Variants in CACNA2D1 observed in about 807,000 individuals in gnomAD.
CACNA2D1 encodes the protein voltage-dependent calcium channel subunit alpha-2/delta-1.
CACNA2D1 carries 53 observed loss-of-function variants against 171.5 expected under a neutral mutation model. That is an observed-to-expected ratio of 0.31 (90% confidence interval 0.25 to 0.39). CACNA2D1 has a LOEUF of 0.39. CACNA2D1 is among the 10% of genes least tolerant of loss of function. The pLI is 1.00. For synonymous variants in CACNA2D1, 442 were observed against 443.1 expected (o/e 1.00, Z 0.03); for missense variants, 903 against 1,299.8 (o/e 0.69, Z 4.69).
chr7:81,952,191 T>C (rs1472531586), intron 38 of CACNA2D1, among the ~76,000 whole-genome samples: 1 of 151,892 alleles, frequency 6.6e-6, no homozygotes, highest in African/African-American at 2.4e-5. Context: ...TGAAAGACCA[T>C]ATATTTAAAC....
chr7:82,088,507 CAA>C (rs773545123), intron 6 of CACNA2D1, among the ~76,000 whole-genome samples: 39 of 152,160 alleles, frequency 2.6e-4, no homozygotes, highest in Non-Finnish European at 4.6e-4. Context: ...TTGTATATCA[CAA>C]AGACTTTAAA....
intron 24 of CACNA2D1, among the ~76,000 whole-genome samples, chr7:81,979,578 T>C (rs1796236684): frequency 6.6e-6 from 1 of 152,146 alleles, no homozygotes; most frequent in South Asian, 2.1e-4. Flanking sequence ...CTTGCCAACA[T>C]AGCAGGCCTA....
At chr7:82,185,635 A>C (rs1309317489) in intron 3 of CACNA2D1, among the ~76,000 whole-genome samples, 1 of 127,182 alleles carries the variant, frequency 7.9e-6, no homozygotes. Context: ...ACTAACTGTT[A>C]GTTCTTCTGG....
intron 3 of CACNA2D1, among the ~76,000 whole-genome samples, chr7:82,231,536 T>C (rs1563232675): frequency 2.0e-5 from 3 of 152,134 alleles, no homozygotes; most frequent in South Asian, 2.1e-4. Context: ...CATAGCACCA[T>C]GGTAAGCTAC....
chr7:81,950,447 C>T lies in CACNA2D1; in HGVS notation c.3221G>A (p.Gly1074Glu). Residue 1074 changes from glycine (G) to glutamate (E), a missense_variant, in exon 39 of 39, where the codon GGA becomes GAA. Gly to Glu is a moderately conservative substitution (Grantham distance 98, BLOSUM62 -2). Transcript: ENST00000356860. ...CAGCCAAAGTAGTAGAAACTGGATTCCAATGATATACCACAGGGAGGGATT... is the reference window on the plus strand; with the variant it reads ...CAGCCAAAGTAGTAGAAACTGGATTTCAATGATATACCACAGGGAGGGATT... ...GLNPSLWYIIGIQFLLLWLVS... is the reference protein window; with the variant it reads ...GLNPSLWYIIEIQFLLLWLVS... 6.2e-7 allele frequency: 1 copy of T among 1,613,008 alleles called. No homozygotes were observed. The highest frequency in any genetic ancestry group is 1.7e-5 in the Admixed American group (1 of 59,806).
At chr7:82,356,347 C>G (rs1820422634) in intron 1 of CACNA2D1, among the ~76,000 whole-genome samples, 1 of 152,118 alleles carries the variant, frequency 6.6e-6, no homozygotes. Context: ...TGCCTTTGCT[C>G]TGTATATAAC....
chr7:82,099,422 C>CTTTTTTTTTT lies in CACNA2D1; in HGVS notation c.527-14532_527-14523dup, dbSNP rs932080938. On this transcript the variant is annotated intron_variant, in intron 6 of 38. Transcript: ENST00000356860. ...ACTCTAAAACAGGTAGCAATACCTTCTTTTTTTTTTTTTTTTTTTTTTTTT... is the reference window on the plus strand; with the variant it reads ...ACTCTAAAACAGGTAGCAATACCTTCTTTTTTTTTTTTTTTTTTTTTTTTTTTTTTTTTTT... 7.0e-4 allele frequency among the ~76,000 whole-genome samples: 28 copies of CTTTTTTTTTT among 40,282 alleles called. 6 individuals carry two copies. Among genetic ancestry groups the CTTTTTTTTTT allele is most frequent in the African/African-American group, 8.5e-4 (9 of 10,620 alleles). 26.4% of individuals were successfully genotyped at this position (40,282 alleles called of 152,430 possible). A position where few individuals can be genotyped will look rare whatever the true frequency, so the allele number is the denominator to read the frequency against.
At chr7:82,295,739 T>C (rs958068803) in intron 3 of CACNA2D1, among the ~76,000 whole-genome samples, 4 of 151,706 alleles carry the variant, frequency 2.6e-5, no homozygotes, top group Non-Finnish European at 5.9e-5. Flanking sequence ...AGTGTGAGGA[T>C]ACTGGGTTAA....
chr7:81,992,727 T>C (rs1277119613), intron 20 of CACNA2D1, among the ~76,000 whole-genome samples: 1 of 152,168 alleles, frequency 6.6e-6, no homozygotes, highest in Non-Finnish European at 1.5e-5. Flanking sequence ...ATTTTAAACA[T>C]TATTACTAAT....
At chr7:82,393,824 T>C (rs1306398158) in intron 1 of CACNA2D1, among the ~76,000 whole-genome samples, 5 of 152,196 alleles carry the variant, frequency 3.3e-5, no homozygotes, top group Non-Finnish European at 7.3e-5. Flanking sequence ...ATAATAACAT[T>C]TGAGTTACTG....
chr7:82,383,571 T>C (rs1156263640), intron 1 of CACNA2D1, among the ~76,000 whole-genome samples: 1 of 152,184 alleles, frequency 6.6e-6, no homozygotes, highest in Non-Finnish European at 1.5e-5. Context: ...TCTTCATACA[T>C]ACAAAATGAA....
chr7:82,152,052 A>G (rs1793910013), intron 4 of CACNA2D1, among the ~76,000 whole-genome samples: 2 of 152,192 alleles, frequency 1.3e-5, no homozygotes, highest in South Asian at 4.1e-4. Flanking sequence ...AAAGCAGATC[A>G]AGTGAGATTA....
intron 6 of CACNA2D1, among the ~76,000 whole-genome samples, chr7:82,104,422 T>C (rs977179950): frequency 3.3e-5 from 5 of 152,034 alleles, no homozygotes; most frequent in Non-Finnish European, 7.4e-5. Context: ...TCATACATGT[T>C]TTCTTTTAAT....
At chr7:82,031,670 A>C (rs1026388233) in intron 12 of CACNA2D1, among the ~76,000 whole-genome samples, 7 of 151,984 alleles carry the variant, frequency 4.6e-5, no homozygotes, top group African/African-American at 1.7e-4. Context: ...TTTAGCACCT[A>C]GAGTATCTTA....
intron 6 of CACNA2D1, among the ~76,000 whole-genome samples, chr7:82,104,747 A>C (rs979045562): frequency 6.6e-6 from 1 of 152,094 alleles, no homozygotes; most frequent in Non-Finnish European, 1.5e-5. Flanking sequence ...CTAATAGAGT[A>C]AATATGAACT....
chr7:82,210,569 T>G (rs545672682), intron 3 of CACNA2D1, among the ~76,000 whole-genome samples: 1 of 152,236 alleles, frequency 6.6e-6, no homozygotes, highest in Non-Finnish European at 1.5e-5. Flanking sequence ...CTTCAGAGGT[T>G]ACTGGAAATT....
intron 3 of CACNA2D1, among the ~76,000 whole-genome samples, chr7:82,272,740 T>C (rs1808800876): frequency 6.6e-6 from 1 of 152,218 alleles, no homozygotes; most frequent in East Asian, 1.9e-4. Context: ...GGTAAACTTA[T>C]TTCTGAATGT....
intron 23 of CACNA2D1, 166 bp from the exon 24 acceptor site, chr7:81,982,793 C>T: frequency 1.5e-6 from 1 of 685,066 alleles, no homozygotes; most frequent in Non-Finnish European, 2.6e-6. Context: ...GTCCTCAATG[C>T]TTCCCAAAAT....
At chr7:82,190,620 C>A (rs570047799) in intron 3 of CACNA2D1, among the ~76,000 whole-genome samples, 17 of 151,848 alleles carry the variant, frequency 1.1e-4, no homozygotes, top group Non-Finnish European at 2.5e-4. Flanking sequence ...CCTTTTCAAA[C>A]TGTAATACTT....
Sources: allele counts gnomAD v4.1 joint callset (sites outside exome capture counted in the v4.1 genomes callset), GRCh38; gene constraint gnomAD v4.1.1; transcripts MANE v1.5; gene names NCBI Gene and HGNC (gene_info 2026-07-23, HGNC 2026-07-21).